Variants in MAVS observed in about 807,000 individuals in gnomAD.
MAVS encodes the protein mitochondrial antiviral signaling protein.
MAVS carries 20 observed loss-of-function variants against 30.2 expected under a neutral mutation model. The observed-to-expected ratio is 0.66, with a 90% CI of 0.47 to 0.96. The LOEUF is 0.96. Among genes scored for constraint, MAVS ranks in the 40% least tolerant of loss-of-function variants. MAVS has a pLI of 0.00. For missense variants in MAVS, 624 were observed against 701.1 expected, an observed-to-expected ratio of 0.89 and a Z score of 1.24; for synonymous variants, 278 against 293.9, an observed-to-expected ratio of 0.95 and a Z score of 0.55.
rs1393961076 is a variant in MAVS, at chr20:3,875,380, A to G, written c.*9233A>G. 1.3e-5 allele frequency: 2 copies of G among 151,870 alleles called. No homozygotes were observed. Among genetic ancestry groups the G allele is most frequent in the Non-Finnish European group, 2.9e-5 (2 of 67,974 alleles). 9.4% of individuals were successfully genotyped at this position (151,870 alleles called of 1,614,324 possible). ...CAGTAAGCTATGATCTCACCACTGT[A>G]CTCCAGCCTGGGTGACAGAGCGAGA... is the stretch of plus-strand genomic sequence containing the variant. On this transcript the variant is annotated 3_prime_UTR_variant, in exon 7 of 7. Transcript: ENST00000428216.
In MAVS at chr20:3,861,481, C is replaced by T. The variant is rs770426401; in HGVS notation, c.442C>T (p.Gln148Ter). Residue 148 changes from glutamine to a stop codon, truncating the protein, a stop_gained, in exon 4 of 7, where the codon CAG becomes TAG. Transcript: ENST00000428216. LOFTEE classifies it high-confidence loss of function. ...TTACCCCATGCCTGTCCAGGAGACC[C>T]AGGCGCCAGAGTCCCCAGGAGAGGT... Reference protein sequence around the residue: ...PSYPMPVQETQAPESPGENSE... With the variant: ...PSYPMPVQET 2.1e-5 allele frequency: 34 copies of T among 1,613,970 alleles called. 1 individual carries two copies. The highest frequency in any genetic ancestry group is 2.5e-5 in the Non-Finnish European group (29 of 1,179,990).
At chr20:3,861,636 C>T (rs1019183793) in intron 4 of MAVS, 132 bp downstream of exon 4, 1 of 1,009,142 alleles carries the variant, frequency 9.9e-7, no homozygotes, top group African/African-American at 1.6e-5. Flanking sequence ...AACCCTAGGG[C>T]TTCCTCAGTG....
At position 3,854,760 on chromosome 20, in the gene MAVS, A is replaced by AGT; in HGVS notation, c.117+20_117+21insTG. ...AGACCAGGTGAGCAAGGGAAGTGAC[A>AGT]GCCCGACACTGGCCTGGGGGCAGGG... On this transcript the variant is annotated intron_variant, in intron 2 of 6. Coordinates refer to ENST00000428216, the MANE Select transcript of MAVS (RefSeq NM_020746.5). 3 of 1,553,430 alleles carry AGT rather than the reference A, an allele frequency of 1.9e-6. No individual in the cohort carries two copies. Among genetic ancestry groups the AGT allele is most frequent in the Non-Finnish European group, 2.7e-6 (3 of 1,125,412 alleles).
chr20:3,870,634 T>TAAAAAAAAAAAAA lies in MAVS; in HGVS notation c.*4517_*4529dup, dbSNP rs58186808. ...GGGCAACAAAGCAAGACCCTATCTC[T>TAAAAAAAAAAAAA]AAAAAAAAAAAAAAAAAAAAAAAAA... On this transcript the variant is annotated 3_prime_UTR_variant, in exon 7 of 7. Transcript: ENST00000428216. 3 of 29,518 alleles carry TAAAAAAAAAAAAA rather than the reference T, an allele frequency of 1.0e-4. 1 individual carries two copies. The highest frequency in any genetic ancestry group is 1.4e-4 in the Non-Finnish European group (2 of 14,494). 1.8% of individuals were successfully genotyped at this position (29,518 alleles called of 1,614,324 possible). A position where few individuals can be genotyped will look rare whatever the true frequency, so the allele number is the denominator to read the frequency against.
At chr20:3,856,893 G>A (rs747266199) in intron 2 of MAVS, among the ~76,000 whole-genome samples, 4 of 151,910 alleles carry the variant, frequency 2.6e-5, no homozygotes, top group East Asian at 1.9e-4. Context: ...AAAATTAGCC[G>A]GGTGTGGTGG....
chr20:3,864,935 G>C, intron 6 of MAVS, 147 bp downstream of exon 6: 1 of 954,786 alleles, frequency 1.0e-6, no homozygotes. Context: ...CATACAGACA[G>C]TTGAGAACCA....
At chr20:3,854,387 T>C (rs1287945578) in intron 1 of MAVS, among the ~76,000 whole-genome samples, 171 bp from the exon 2 acceptor site, 1 of 132,976 alleles carries the variant, frequency 7.5e-6, no homozygotes, top group East Asian at 2.5e-4. Context: ...ATTGCCCCAC[T>C]GCACTCCAGC....
chr20:3,849,391 G>C (rs2089738486), intron 1 of MAVS, among the ~76,000 whole-genome samples: 1 of 152,060 alleles, frequency 6.6e-6, no homozygotes, highest in Non-Finnish European at 1.5e-5. Flanking sequence ...TTTTAGTAGA[G>C]AAAGGGTTTC....
chr20:3,862,198 C>A, intron 4 of MAVS, 56 bp from the exon 5 acceptor site: 1 of 1,578,822 alleles, frequency 6.3e-7, no homozygotes, highest in Non-Finnish European at 8.6e-7. Flanking sequence ...CACAAGCTGC[C>A]CTTTGTGAGC....
intron 1 of MAVS, among the ~76,000 whole-genome samples, chr20:3,850,160 C>T (rs2089745353): frequency 6.6e-6 from 1 of 150,952 alleles, no homozygotes; most frequent in South Asian, 2.1e-4. Flanking sequence ...GCCTGTAGTC[C>T]CAGCTACTTG....
At chr20:3,850,094 C>T (rs966225076) in intron 1 of MAVS, among the ~76,000 whole-genome samples, 39 of 149,580 alleles carry the variant, frequency 2.6e-4, no homozygotes, top group African/African-American at 7.6e-4. Flanking sequence ...CTGGCTAACA[C>T]GGTGAAACCT....
At position 3,874,312 on chromosome 20, in the gene MAVS, A is replaced by ACCT. The variant is rs1243453275; in HGVS notation, c.*8167_*8169dup. Reference sequence around the variant, plus strand: ...GAGGGGCATCCTGGAGTGCTGGTCTACCTCATCTGGGTGTTGATTTCACGA... The same window carrying ACCT: ...GAGGGGCATCCTGGAGTGCTGGTCTACCTCCTCATCTGGGTGTTGATTTCACGA... On this transcript the variant is annotated 3_prime_UTR_variant, in exon 7 of 7. Coordinates refer to ENST00000428216, the MANE Select transcript of MAVS (RefSeq NM_020746.5). 1.7e-4 allele frequency: 68 copies of ACCT among 398,178 alleles called. No individual in the cohort carries two copies. The highest frequency in any genetic ancestry group is 1.4e-3 in the African/African-American group (66 of 48,692). The allele number at this position is 398,178 out of a possible 1,614,324, so 24.7% of individuals were successfully genotyped here.
rs372206718 is a variant in MAVS, at chr20:3,864,796, C to T, written c.1158+8C>T. 5.6e-6 allele frequency: 9 copies of T among 1,609,314 alleles called. No individual in the cohort carries two copies. The African/African-American group carries it at 1.2e-4, about 21-fold the overall frequency. On this transcript the variant is annotated splice_region_variant and intron_variant, in intron 6 of 6. Transcript: ENST00000428216. ...GGGAGCAGCAGAAATGAGGTGAGTCCTCGCCCTTCCTGGCAGGGATCCTGG... is the reference window on the plus strand; with the variant it reads ...GGGAGCAGCAGAAATGAGGTGAGTCTTCGCCCTTCCTGGCAGGGATCCTGG...
chr20:3,863,491 C>T (rs1226003325), intron 5 of MAVS, among the ~76,000 whole-genome samples: 1 of 152,206 alleles, frequency 6.6e-6, no homozygotes, highest in East Asian at 1.9e-4. Context: ...TCAGGAGTTG[C>T]TGTAGACCAC....
At chr20:3,848,140 C>G (rs1029809696) in intron 1 of MAVS, among the ~76,000 whole-genome samples, 1 of 151,884 alleles carries the variant, frequency 6.6e-6, no homozygotes, top group Non-Finnish European at 1.5e-5. Context: ...CACTCTCTTG[C>G]CCAGGCTGGA....
chr20:3,861,450 G>A lies in MAVS; in HGVS notation c.411G>A (p.Glu137=). The change falls in exon 4 of 7, where the codon GAG becomes GAA. Residue 137 remains glutamate (E), a synonymous_variant. Coordinates refer to ENST00000428216, the MANE Select transcript of MAVS (RefSeq NM_020746.5). ...CCTACAACAGCTGCAGAGAGAAGGA[G>A]CCAAGTTACCCCATGCCTGTCCAGG... ...SIPYNSCREK[E]PSYPMPVQET... The A allele has an allele frequency of 1.2e-6, 2 of 1,613,248 alleles. No individual in the cohort carries two copies. The highest frequency in any genetic ancestry group is 1.7e-6 in the Non-Finnish European group (2 of 1,179,236).
Position 3,865,831 on chromosome 20 carries a change from T to A in MAVS, c.1307T>A (p.Phe436Tyr). ...SQVDSPFSGC[F>Y]EDLAISASTS... ...GTAGACAGCCCGTTCTCGGGCTGCT[T>A]CGAGGATCTTGCCATCAGTGCCAGC... Residue 436 changes from phenylalanine (F) to tyrosine (Y), a missense_variant, in exon 7 of 7, where the codon TTC (phenylalanine) becomes TAC (tyrosine). Phe to Tyr is a conservative substitution (Grantham distance 22). Transcript: ENST00000428216. This position sits in a 1 kb window ranked among gnomAD's most constrained non-coding sequence, Gnocchi z 4.7. 6.2e-7 allele frequency: 1 copy of A among 1,614,000 alleles called. No homozygotes were observed. The highest frequency in any genetic ancestry group is 8.5e-7 in the Non-Finnish European group (1 of 1,180,016).
At chr20:3,852,834 A>ATTTT (rs57163061) in intron 1 of MAVS, among the ~76,000 whole-genome samples, 13 of 107,484 alleles carry the variant, frequency 1.2e-4, no homozygotes, top group African/African-American at 2.9e-4. Context: ...ATTCTGCAGA[A>ATTTT]TTTTTTTTTT....
At chr20:3,853,788 G>T (rs1445308621) in intron 1 of MAVS, among the ~76,000 whole-genome samples, 2 of 151,584 alleles carry the variant, frequency 1.3e-5, no homozygotes, top group African/African-American at 4.8e-5. Flanking sequence ...GACCCCATCT[G>T]TTTGTTTGTT....
Sources: allele counts gnomAD v4.1 joint callset (sites outside exome capture counted in the v4.1 genomes callset), GRCh38; gene constraint gnomAD v4.1.1; non-coding constraint Gnocchi (gnomAD v3.1); transcripts MANE v1.5; gene names NCBI Gene and HGNC (gene_info 2026-07-23, HGNC 2026-07-21).